The following CAMKV variants were observed in gnomAD, a reference collection of about 807,000 sequenced individuals.
CAMKV encodes CaM kinase like vesicle associated, also known as caM kinase-like vesicle-associated protein.
CAMKV carries 5 observed loss-of-function variants against 50.2 expected under a neutral mutation model. The ratio of observed to expected loss-of-function variants is 0.10; its 90% CI spans 0.05 to 0.21. CAMKV has a LOEUF of 0.21. CAMKV is among the 10% of genes least tolerant of loss of function. The pLI is 1.00. For synonymous variants in CAMKV, 229 were observed against 250.1 expected (o/e 0.92, Z 0.80); for missense variants, 361 against 650.5 (o/e 0.55, Z 4.84).
rs185805153 is a variant in CAMKV at position 49,858,627 on chromosome 3, G to A, written c.*691C>T. 18 of 347,470 alleles carry A rather than the reference G, an allele frequency of 5.2e-5. No individual in the cohort carries two copies. The highest frequency in any genetic ancestry group is 2.8e-4 in the Admixed American group (6 of 21,080). The allele number at this position is 347,470 out of a possible 1,614,324, so 21.5% of individuals were successfully genotyped here. On this transcript the variant is annotated 3_prime_UTR_variant, in exon 11 of 11. Transcript: ENST00000477224. Reference sequence around the variant, plus strand: ...TACAGGGCAGCCCACTGCAGGACTCGGAAAGGCAGGAAATAACACAAATAA... The same window carrying A: ...TACAGGGCAGCCCACTGCAGGACTCAGAAAGGCAGGAAATAACACAAATAA...
rs943064706 is a variant in CAMKV at position 49,869,104 on chromosome 3, G to T, written c.-15+654C>A. ...AAGTGCTGCTGGCTCGCCCCCGCTGGCACAGCAACACACATGCGGAAAGCA... is the reference window on the plus strand; with the variant it reads ...AAGTGCTGCTGGCTCGCCCCCGCTGTCACAGCAACACACATGCGGAAAGCA... On this transcript the variant is annotated intron_variant, in intron 1 of 10. Transcript: ENST00000477224. The surrounding 1 kb of genome is among the most constrained non-coding windows in gnomAD (Gnocchi z 5.2). Among the ~76,000 whole-genome samples, 6 of 152,076 alleles carry T rather than the reference G, an allele frequency of 3.9e-5. No homozygotes were observed. The highest frequency in any genetic ancestry group is 1.4e-4 in the African/African-American group (6 of 41,416).
At chr3:49,868,360 C>T (rs1368106196) in intron 1 of CAMKV, among the ~76,000 whole-genome samples, 2 of 152,188 alleles carry the variant, frequency 1.3e-5, no homozygotes, top group Non-Finnish European at 2.9e-5. Context: ...CCCCCAACAG[C>T]AGATCCTGCC....
chr3:49,860,576 G>A lies in CAMKV; in HGVS notation c.776-27C>T. 1 of 1,611,616 alleles carries A rather than the reference G, an allele frequency of 6.2e-7. No individual in the cohort carries two copies. Among genetic ancestry groups the A allele is most frequent in the Non-Finnish European group, 8.5e-7 (1 of 1,178,550 alleles). The stretch of plus-strand genomic sequence containing the variant: ...TGTGGACAAAACCAAGAAGGGGATA[G>A]TCATGGGCACCCCATCTCAATGTCT... On this transcript the variant is annotated intron_variant, in intron 8 of 10. Transcript: ENST00000477224. This position sits in a 1 kb window ranked among gnomAD's most constrained non-coding sequence, Gnocchi z 6.1.
At chr3:49,866,028 C>CTTGA (rs1489808010) in intron 1 of CAMKV, among the ~76,000 whole-genome samples, 3 of 152,228 alleles carry the variant, frequency 2.0e-5, no homozygotes, top group Non-Finnish European at 2.9e-5. Flanking sequence ...TGTCCTGAAG[C>CTTGA]CTCAAGGCTG....
rs1432227757 is a variant in CAMKV, at chr3:49,869,487, G to T, written c.-15+271C>A. 6.6e-6 allele frequency among the ~76,000 whole-genome samples: 1 copy of T among 152,152 alleles called. No individual in the cohort carries two copies. Among genetic ancestry groups the T allele is most frequent in the Non-Finnish European group, 1.5e-5 (1 of 68,010 alleles). On this transcript the variant is annotated intron_variant, in intron 1 of 10. Coordinates refer to ENST00000477224, the MANE Select transcript of CAMKV (RefSeq NM_024046.5). The surrounding 1 kb of genome is among the most constrained non-coding windows in gnomAD (Gnocchi z 5.2). ...GGCCCCTATCCTCACGGGGGACCAC[G>T]AATCTTCGAGGGTTAATCTTTTCAC...
intron 1 of CAMKV, among the ~76,000 whole-genome samples, chr3:49,868,357 C>G (rs994298210): frequency 6.6e-6 from 1 of 152,320 alleles, no homozygotes; most frequent in Non-Finnish European, 1.5e-5. Context: ...CAACCCCCAA[C>G]AGCAGATCCT....
Position 49,861,689 on chromosome 3 carries a change from G to A in CAMKV, c.302+102C>T. The A allele has an allele frequency of 1.3e-6, 2 of 1,591,730 alleles. No individual in the cohort carries two copies. The highest frequency in any genetic ancestry group is 1.7e-6 in the Non-Finnish European group (2 of 1,162,652). The stretch of plus-strand genomic sequence containing the variant: ...TGGCTGAGCAAGGCACAGGGACCTG[G>A]GACGCCAAGGGTCCAGAAAGGGGGT... On this transcript the variant is annotated intron_variant, in intron 4 of 10. Transcript: ENST00000477224. The surrounding 1 kb of genome is among the most constrained non-coding windows in gnomAD (Gnocchi z 7.7).
chr3:49,859,283 G>T lies in CAMKV; in HGVS notation c.*35C>A. 2.0e-6 allele frequency: 3 copies of T among 1,465,624 alleles called. No homozygotes were observed. Among genetic ancestry groups the T allele is most frequent in the Non-Finnish European group, 1.8e-6 (2 of 1,095,406 alleles). The allele number at this position is 1,465,624 out of a possible 1,614,324, so 90.8% of individuals were successfully genotyped here. ...CCCTCATCCACTCTCCCACCCTCCT[G>T]CCCATCCCCTGCCCCCCCTCACCAG... is the stretch of plus-strand genomic sequence containing the variant. On this transcript the variant is annotated 3_prime_UTR_variant, in exon 11 of 11. Transcript: ENST00000477224. The surrounding 1 kb of genome is among the most constrained non-coding windows in gnomAD (Gnocchi z 5.5).
rs2082009441 is a variant in CAMKV, at chr3:49,860,163, A to G, written c.942+8T>C. 2 of 1,612,232 alleles carry G rather than the reference A, an allele frequency of 1.2e-6. No homozygotes were observed. The highest frequency in any genetic ancestry group is 2.7e-5 in the African/African-American group (2 of 74,978). On this transcript the variant is annotated splice_region_variant and intron_variant, in intron 10 of 10. Coordinates refer to ENST00000477224, the MANE Select transcript of CAMKV (RefSeq NM_024046.5). The surrounding 1 kb of genome is among the most constrained non-coding windows in gnomAD (Gnocchi z 6.1). ...ATAGAGCCAAGAAGGGAGTTATCCA[A>G]GCCTTACCTTCCACTTGGCCCTGGC...
chr3:49,862,477 A>C lies in CAMKV; in HGVS notation c.-14-75T>G, dbSNP rs1206140043. ...ACAACATAGGGGCTGCTTTTGGGAG[A>C]CCCCAACCTGGCTCAGGCCAAGCTA... On this transcript the variant is annotated intron_variant, in intron 1 of 10. Coordinates refer to ENST00000477224, the MANE Select transcript of CAMKV (RefSeq NM_024046.5). The surrounding 1 kb of genome is among the most constrained non-coding windows in gnomAD (Gnocchi z 5.2). 2 of 1,354,908 alleles carry C rather than the reference A, an allele frequency of 1.5e-6. No individual in the cohort carries two copies. Among genetic ancestry groups the C allele is most frequent in the African/African-American group, 2.9e-5 (2 of 70,050 alleles). The allele number at this position is 1,354,908 out of a possible 1,614,324, so 83.9% of individuals were successfully genotyped here.
rs116583249 is a variant in CAMKV at position 49,868,534 on chromosome 3, C to T, written c.-15+1224G>A. Among the ~76,000 whole-genome samples, 527 of 152,324 alleles carry T rather than the reference C, an allele frequency of 3.5e-3. 4 individuals carry two copies. Among genetic ancestry groups the T allele is most frequent in the African/African-American group, 0.012 (484 of 41,572 alleles). On this transcript the variant is annotated intron_variant, in intron 1 of 10. Transcript: ENST00000477224. ...TGTGAATGGTGGCCAGGGCATGGGG[C>T]TGGAGAGTAGGGCCATCAGAGATAT... is the stretch of plus-strand genomic sequence containing the variant.
In CAMKV at chr3:49,858,201, G is replaced by T. The variant is rs1198345031; in HGVS notation, c.*1117C>A. 3 of 398,322 alleles carry T rather than the reference G, an allele frequency of 7.5e-6. No homozygotes were observed. The highest frequency in any genetic ancestry group is 1.3e-4 in the South Asian group (1 of 7,650). The allele number at this position is 398,322 out of a possible 1,614,324, so 24.7% of individuals were successfully genotyped here. A position where few individuals can be genotyped will look rare whatever the true frequency, so the allele number is the denominator to read the frequency against. ...GTCAGGAGCCTCCCTCAGGAAACTG[G>T]GGAGTTTAACCCTACTTCCTCATCC... On this transcript the variant is annotated 3_prime_UTR_variant, in exon 11 of 11. Transcript: ENST00000477224.
In CAMKV at chr3:49,859,054, G is replaced by A. The variant is rs529221814; in HGVS notation, c.*264C>T. On this transcript the variant is annotated 3_prime_UTR_variant, in exon 11 of 11. Transcript: ENST00000477224. The surrounding 1 kb of genome is among the most constrained non-coding windows in gnomAD (Gnocchi z 5.5). ...CAGCATCCCACAAGGAACAGAAACT[G>A]GTGAAGCTAGCAAAAGACAGAAAAG... The A allele has an allele frequency of 1.7e-5, 7 of 409,640 alleles. No individual in the cohort carries two copies. The highest frequency in any genetic ancestry group is 1.4e-4 in the African/African-American group (7 of 50,640). 25.4% of individuals were successfully genotyped at this position (409,640 alleles called of 1,614,324 possible).
At chr3:49,866,188 C>T (rs2082064440) in intron 1 of CAMKV, among the ~76,000 whole-genome samples, 1 of 152,166 alleles carries the variant, frequency 6.6e-6, no homozygotes, top group Admixed American at 6.5e-5. Context: ...GAAAGAGGGG[C>T]CTGGCTTTCA....
chr3:49,859,974 C>CG lies in CAMKV; in HGVS notation c.943-94dup. On this transcript the variant is annotated intron_variant, in intron 10 of 10. Transcript: ENST00000477224. The surrounding 1 kb of genome is among the most constrained non-coding windows in gnomAD (Gnocchi z 5.5). Reference sequence around the variant, plus strand: ...AACCAAACTCCTTCCATAGTACCCCCGGCCACCTCCATCCACCCCAGGGCC... The same window carrying CG: ...AACCAAACTCCTTCCATAGTACCCCCGGGCCACCTCCATCCACCCCAGGGCC... The CG allele has an allele frequency of 7.9e-7, 1 of 1,258,684 alleles. No homozygotes were observed. The highest frequency in any genetic ancestry group is 1.1e-6 in the Non-Finnish European group (1 of 926,888). The allele number at this position is 1,258,684 out of a possible 1,614,324, so 78.0% of individuals were successfully genotyped here.
At chr3:49,867,711 C>G (rs971897888) in intron 1 of CAMKV, among the ~76,000 whole-genome samples, 4 of 151,940 alleles carry the variant, frequency 2.6e-5, no homozygotes, top group Non-Finnish European at 5.9e-5. Context: ...ACCCAGGTCC[C>G]CATCAAGAAA....
chr3:49,863,208 G>A (rs898369123), intron 1 of CAMKV, among the ~76,000 whole-genome samples: 2 of 152,226 alleles, frequency 1.3e-5, no homozygotes, highest in Non-Finnish European at 2.9e-5. Flanking sequence ...CCGTAAGGGG[G>A]ATACAAACAC....
Position 49,859,244 on chromosome 3 carries a change from G to A in CAMKV, c.*74C>T, listed in dbSNP as rs2082000161. 2.3e-6 allele frequency: 3 copies of A among 1,320,528 alleles called. No individual in the cohort carries two copies. Among genetic ancestry groups the A allele is most frequent in the Non-Finnish European group, 3.1e-6 (3 of 969,742 alleles). The allele number at this position is 1,320,528 out of a possible 1,614,324, so 81.8% of individuals were successfully genotyped here. On this transcript the variant is annotated 3_prime_UTR_variant, in exon 11 of 11. Transcript: ENST00000477224. This position sits in a 1 kb window ranked among gnomAD's most constrained non-coding sequence, Gnocchi z 5.5. The stretch of plus-strand genomic sequence containing the variant: ...GAGGGCATCATGCCAGTGACTCTAT[G>A]TACAGTGAGAAGCCCCTCATCCACT...
chr3:49,862,190 G>A lies in CAMKV; in HGVS notation c.96-14C>T. ...CAAAACTCCTCACTGCAGCCGACAG[G>A]CACCCACTCAGGCCTGGCCTTAGCA... is the stretch of plus-strand genomic sequence containing the variant. On this transcript the variant is annotated splice_polypyrimidine_tract_variant and intron_variant, in intron 2 of 10. Coordinates refer to ENST00000477224, the MANE Select transcript of CAMKV (RefSeq NM_024046.5). The surrounding 1 kb of genome is among the most constrained non-coding windows in gnomAD (Gnocchi z 5.2). The A allele has an allele frequency of 6.2e-7, 1 of 1,614,148 alleles. No individual in the cohort carries two copies. The highest frequency in any genetic ancestry group is 1.6e-4 in the Middle Eastern group (1 of 6,062).
Sources: gnomAD v4.1 joint callset for allele counts (sites outside exome capture counted in the v4.1 genomes callset) on GRCh38, gnomAD v4.1.1 for gene constraint, Gnocchi (gnomAD v3.1) non-coding constraint, MANE v1.5 for transcripts, NCBI Gene and HGNC (gene_info 2026-07-23, HGNC 2026-07-21) for gene names.